The following GLDC variants were observed in gnomAD, a reference collection of about 807,000 sequenced individuals.
GLDC encodes glycine decarboxylase.
In GLDC, 104 loss-of-function variants were observed where a neutral mutation model predicts 121.3. The observed-to-expected ratio is 0.86, with a 90% CI of 0.73 to 1.01. The LOEUF is 1.01. GLDC is among the 50% of genes least tolerant of loss of function. The pLI, the probability that GLDC is intolerant of heterozygous loss-of-function variation, is 0.00. For missense variants in GLDC, 1,429 were observed against 1,306.6 expected (o/e 1.09, Z -1.44); for synonymous variants, 546 against 480.6 (o/e 1.14, Z -1.78).
chr9:6,594,341 T>A (rs1262254637), intron 9 of GLDC, among the ~76,000 whole-genome samples: 2 of 152,032 alleles, frequency 1.3e-5, no homozygotes, highest in Non-Finnish European at 2.9e-5. Flanking sequence ...GGTAGGAAAG[T>A]AAGAGTTCTA....
chr9:6,573,022 C>A (rs1446432670), intron 15 of GLDC, among the ~76,000 whole-genome samples: 1 of 152,212 alleles, frequency 6.6e-6, no homozygotes, highest in African/African-American at 2.4e-5. Flanking sequence ...TCAAAGCTGT[C>A]TGGCTCCAAG....
At chr9:6,630,992 C>T (rs956762023) in intron 2 of GLDC, among the ~76,000 whole-genome samples, 3 of 152,294 alleles carry the variant, frequency 2.0e-5, no homozygotes, top group South Asian at 2.1e-4. Context: ...TGTGTTGAAT[C>T]GTTCGAGAAA....
chr9:6,604,730 C>A lies in GLDC; in HGVS notation c.916G>T (p.Gly306Ter), dbSNP rs756499002. 2.5e-6 allele frequency: 4 copies of A among 1,614,178 alleles called. No homozygotes were observed. Residue 306 changes from glycine to a stop codon, truncating the protein, a stop_gained, in exon 7 of 25, where the codon GGA becomes TGA. Transcript: ENST00000321612. LOFTEE classifies it high-confidence loss of function. ...AGGGCGATGTCTACCCCAAATTCTC[C>A]AGGTGGCCTCAAGATGCACAAAGCT... ...LLALCILRPPGEFGVDIALGS... is the reference protein window; with the variant it reads ...LLALCILRPP
At chr9:6,554,372 A>G (rs1817575072) in intron 19 of GLDC, among the ~76,000 whole-genome samples, 1 of 152,234 alleles carries the variant, frequency 6.6e-6, no homozygotes. Context: ...TCCAGTTACA[A>G]TACGTATGCT....
intron 2 of GLDC, among the ~76,000 whole-genome samples, chr9:6,631,755 A>C (rs1819385544): frequency 6.6e-6 from 1 of 152,188 alleles, no homozygotes. Context: ...CTTGAGAAAA[A>C]GATAATTTTT....
At chr9:6,628,994 C>G (rs1383646478) in intron 2 of GLDC, among the ~76,000 whole-genome samples, 4 of 151,930 alleles carry the variant, frequency 2.6e-5, no homozygotes, top group African/African-American at 9.7e-5. Context: ...GGCCTCTAGG[C>G]ATCACTTCCT....
chr9:6,587,176 G>A lies in GLDC; in HGVS notation c.1815C>T (p.Leu605=), dbSNP rs74461075. 3,806 of 1,613,850 alleles carry A rather than the reference G, an allele frequency of 2.4e-3. 60 individuals are homozygous for A. In the African/African-American group the frequency reaches 0.043, roughly 18 times the overall value. ...GGAAACAGACCTGGTCATAACCTGTGAGTTCACACAAATCCTTCTCAAGCT... is the reference window on the plus strand; with the variant it reads ...GGAAACAGACCTGGTCATAACCTGTAAGTTCACACAAATCCTTCTCAAGCT... ...FRELEKDLCE[L]TGYDQVCFQP... is the part of the protein sequence containing the mutation. Residue 605 remains leucine, a synonymous_variant, in exon 15 of 25, where the codon CTC becomes CTT. Coordinates refer to ENST00000321612, the MANE Select transcript of GLDC (RefSeq NM_000170.3).
chr9:6,548,550 C>T (rs1817444160), intron 21 of GLDC, among the ~76,000 whole-genome samples: 1 of 152,156 alleles, frequency 6.6e-6, no homozygotes. Context: ...ACTGTGGAAC[C>T]ACCCCTTTGG....
intron 3 of GLDC, among the ~76,000 whole-genome samples, chr9:6,613,572 C>A (rs1818904830): frequency 6.6e-6 from 1 of 152,240 alleles, no homozygotes; most frequent in South Asian, 2.1e-4. Flanking sequence ...ATTTTAACTG[C>A]TCTATGGTAT....
At chr9:6,637,197 G>A (rs1162954608) in intron 2 of GLDC, among the ~76,000 whole-genome samples, 4 of 152,004 alleles carry the variant, frequency 2.6e-5, no homozygotes, top group Non-Finnish European at 5.9e-5. Flanking sequence ...TTGAGGTCAG[G>A]AGTTCGAAAC....
chr9:6,621,599 C>G (rs1312227765), intron 2 of GLDC, among the ~76,000 whole-genome samples: 1 of 152,150 alleles, frequency 6.6e-6, no homozygotes, highest in Non-Finnish European at 1.5e-5. Flanking sequence ...CTCACTGCAA[C>G]CTCCACCTCC....
chr9:6,536,423 C>G (rs111627722), intron 22 of GLDC, among the ~76,000 whole-genome samples, 187 bp from the exon 23 acceptor site: 70 of 152,220 alleles, frequency 4.6e-4, no homozygotes, highest in African/African-American at 1.6e-3. Context: ...AACCTAATAT[C>G]CAACAATGGG....
intron 2 of GLDC, among the ~76,000 whole-genome samples, chr9:6,622,603 T>C (rs1258750526): frequency 2.7e-5 from 4 of 148,630 alleles, no homozygotes; most frequent in Non-Finnish European, 6.0e-5. Flanking sequence ...AACCTCCACC[T>C]CCCAGCCGCC....
chr9:6,638,498 A>T (rs1819557492), intron 2 of GLDC, among the ~76,000 whole-genome samples: 1 of 152,052 alleles, frequency 6.6e-6, no homozygotes, highest in Admixed American at 6.6e-5. Context: ...TATGGGCGTG[A>T]GTCACTGCTC....
At chr9:6,632,203 G>A (rs1445230253) in intron 2 of GLDC, among the ~76,000 whole-genome samples, 1 of 152,142 alleles carries the variant, frequency 6.6e-6, no homozygotes, top group Non-Finnish European at 1.5e-5. Context: ...TTTCACGTAT[G>A]GCTAGCCCAG....
chr9:6,565,817 A>G lies in GLDC; in HGVS notation c.1851-388T>C, dbSNP rs142842728. The G allele has an allele frequency of 2.2e-3, 978 of 439,186 alleles. 9 individuals are homozygous for G. Among genetic ancestry groups the G allele is most frequent in the African/African-American group, 0.017 (871 of 50,928 alleles). The allele number at this position is 439,186 out of a possible 1,614,324, so 27.2% of individuals were successfully genotyped here. ...GCTGTAACAATTTGGTTTACGGTCA[A>G]TCTTGTTTCCTATTATATTTCTCAC... On this transcript the variant is annotated intron_variant, in intron 15 of 24. Transcript: ENST00000321612.
In GLDC at chr9:6,550,684, T is replaced by G. The variant is rs921185601; in HGVS notation, c.2569+119A>C. On this transcript the variant is annotated intron_variant, in intron 21 of 24. Transcript: ENST00000321612. ...GTTATTTCCAAGAACTCTACACTAT[T>G]TTCTGATATGTGCTAAGAAATAGAA... 6 of 762,614 alleles carry G rather than the reference T, an allele frequency of 7.9e-6. No individual in the cohort carries two copies. The African/African-American group carries it at 1.0e-4, about 13-fold the overall frequency. 47.2% of individuals were successfully genotyped at this position (762,614 alleles called of 1,614,324 possible). A position where few individuals can be genotyped will look rare whatever the true frequency, so the allele number is the denominator to read the frequency against.
chr9:6,550,789 A>C lies in GLDC; in HGVS notation c.2569+14T>G, dbSNP rs2129705081. On this transcript the variant is annotated intron_variant, in intron 21 of 24. Transcript: ENST00000321612. ...AAAAAACCAAAGTAATGATAGATTA[A>C]AGTTGATACTTGCCTCTTGCACCCC... 1 of 1,544,468 alleles carries C rather than the reference A, an allele frequency of 6.5e-7. No homozygotes were observed. The highest frequency in any genetic ancestry group is 1.7e-5 in the Admixed American group (1 of 59,948).
intron 15 of GLDC, among the ~76,000 whole-genome samples, chr9:6,583,989 T>C (rs1404888372): frequency 6.6e-6 from 1 of 152,252 alleles, no homozygotes; most frequent in East Asian, 1.9e-4. Context: ...TTAATGCCTC[T>C]GAACTGTACA....
Sources: gnomAD v4.1 joint callset for allele counts (sites outside exome capture counted in the v4.1 genomes callset) on GRCh38, gnomAD v4.1.1 for gene constraint, MANE v1.5 for transcripts, NCBI Gene and HGNC (gene_info 2026-07-23, HGNC 2026-07-21) for gene names.